The following FOXP1 variants were observed in gnomAD, a reference collection of about 807,000 sequenced individuals.
FOXP1 encodes the protein forkhead box P1.
In FOXP1, 15 loss-of-function variants were observed where a neutral mutation model predicts 98.2. That is an observed-to-expected ratio of 0.15 (90% CI 0.10 to 0.24). The LOEUF is 0.24. Among genes scored for constraint, FOXP1 ranks in the 10% least tolerant of loss-of-function variants. The pLI is 1.00. For synonymous variants in FOXP1, 371 were observed against 314.5 expected, an observed-to-expected ratio of 1.18 and a Z score of -1.90; for missense variants, 633 against 848.5, an observed-to-expected ratio of 0.75 and a Z score of 3.15.
intron 6 of FOXP1, among the ~76,000 whole-genome samples, chr3:71,137,798 A>T (rs200694832): frequency 1.5e-4 from 21 of 144,228 alleles, no homozygotes; most frequent in African/African-American, 4.8e-4. Flanking sequence ...ATTTATTATT[A>T]TTTTTTTTTT....
chr3:70,994,716 C>T (rs1422871263), intron 13 of FOXP1, among the ~76,000 whole-genome samples: 2 of 152,216 alleles, frequency 1.3e-5, no homozygotes, highest in Non-Finnish European at 2.9e-5. Context: ...ACAAGGTACA[C>T]ACACCTCCAC....
chr3:71,074,420 T>A (rs1256826975), intron 7 of FOXP1, among the ~76,000 whole-genome samples: 2 of 152,088 alleles, frequency 1.3e-5, no homozygotes, highest in African/African-American at 4.8e-5. Flanking sequence ...AGAGACAGGG[T>A]TTCATCCTAT....
At chr3:71,268,235 C>T (rs567482618) in intron 5 of FOXP1, among the ~76,000 whole-genome samples, 9 of 151,492 alleles carry the variant, frequency 5.9e-5, no homozygotes, top group Non-Finnish European at 8.8e-5. Flanking sequence ...GGACTATAGG[C>T]GCCCGCCACC....
chr3:71,053,680 GC>G lies in FOXP1; in HGVS notation c.375del (p.Gln125HisfsTer81). The G allele has an allele frequency of 6.2e-7, 1 of 1,614,094 alleles. No homozygotes were observed. Among genetic ancestry groups the G allele is most frequent in the Non-Finnish European group, 8.5e-7 (1 of 1,179,986 alleles). ...ILQQQVLSPQ[Q>X]LQVLLQQQQA... Reference sequence around the variant, plus strand: ...TGCTGCTGCTGGAGGAGAACCTGGAGCTGCTGAGGGCTCAGCACTTGTTGCT... The same window carrying G: ...TGCTGCTGCTGGAGGAGAACCTGGAGTGCTGAGGGCTCAGCACTTGTTGCT... On this transcript the variant is annotated frameshift_variant, in exon 8 of 21. Coordinates refer to ENST00000649528, the MANE Select transcript of FOXP1 (RefSeq NM_001349338.3). LOFTEE classifies it high-confidence loss of function.
intron 13 of FOXP1, among the ~76,000 whole-genome samples, chr3:70,993,664 G>T (rs142041077): frequency 1.2e-4 from 18 of 152,278 alleles, no homozygotes; most frequent in Non-Finnish European, 2.5e-4. Flanking sequence ...CTCATTAAAT[G>T]TAAGACATAT....
chr3:71,357,753 T>C (rs1015060362), intron 4 of FOXP1, among the ~76,000 whole-genome samples: 11 of 152,238 alleles, frequency 7.2e-5, no homozygotes, highest in Admixed American at 7.2e-4. Context: ...GCAGCCACCA[T>C]GTGACCTTGA....
chr3:71,359,534 C>T (rs535348236), intron 3 of FOXP1, among the ~76,000 whole-genome samples: 8 of 152,204 alleles, frequency 5.3e-5, no homozygotes, highest in South Asian at 2.1e-4. Context: ...CTTTATCTTC[C>T]GTACCATAAT....
chr3:71,070,640 T>C (rs1237688243), intron 7 of FOXP1, among the ~76,000 whole-genome samples: 1 of 152,162 alleles, frequency 6.6e-6, no homozygotes, highest in African/African-American at 2.4e-5. Context: ...CCCTCTCCCC[T>C]GCTACGGGAA....
At chr3:71,354,084 A>T (rs2077982116) in intron 4 of FOXP1, among the ~76,000 whole-genome samples, 1 of 151,670 alleles carries the variant, frequency 6.6e-6, no homozygotes, top group South Asian at 2.1e-4. Flanking sequence ...AGATGAGCGG[A>T]TCACAAGATC....
At chr3:71,066,689 G>T (rs1167516071) in intron 7 of FOXP1, among the ~76,000 whole-genome samples, 2 of 152,204 alleles carry the variant, frequency 1.3e-5, no homozygotes, top group African/African-American at 4.8e-5. Flanking sequence ...TTTTCCCAAA[G>T]TATTAAAATT....
At chr3:71,424,914 G>C (rs1028931489) in intron 3 of FOXP1, among the ~76,000 whole-genome samples, 1 of 152,174 alleles carries the variant, frequency 6.6e-6, no homozygotes, top group Non-Finnish European at 1.5e-5. Context: ...AAGAGGTAAG[G>C]AGTGATCAAG....
intron 5 of FOXP1, among the ~76,000 whole-genome samples, chr3:71,283,546 A>T (rs77939261): frequency 0.022 from 3,403 of 152,292 alleles, 98 homozygotes; most frequent in South Asian, 0.026. Context: ...TCCTGAAGGG[A>T]TCTGGATGAC....
intron 4 of FOXP1, among the ~76,000 whole-genome samples, chr3:71,345,409 C>T (rs771104798): frequency 0.016 from 2,160 of 136,410 alleles, 32 homozygotes; most frequent in African/African-American, 0.035. Context: ...CACACACACA[C>T]ACACACACAC....
intron 6 of FOXP1, among the ~76,000 whole-genome samples, chr3:71,180,495 G>A (rs1433193930): frequency 6.6e-6 from 1 of 151,974 alleles, no homozygotes; most frequent in African/African-American, 2.4e-5. Flanking sequence ...AAATAGACAT[G>A]CCAATAAAAA....
intron 11 of FOXP1, among the ~76,000 whole-genome samples, chr3:71,028,977 C>T (rs750474116): frequency 8.5e-5 from 13 of 152,148 alleles, no homozygotes; most frequent in South Asian, 8.3e-4. Flanking sequence ...GTAATGTGAG[C>T]GATGGGGAGC....
chr3:71,237,231 GAAAAAAAAAAAAAAAAAAAAAAAA>G (rs757405755), intron 5 of FOXP1, among the ~76,000 whole-genome samples: 2 of 28,270 alleles, frequency 7.1e-5, no homozygotes, highest in Admixed American at 7.0e-4. Flanking sequence ...GACTCCATCT[GAAAAAAAAAAAAAAAAAAAAAAAA>G]AAAAAAAAAA....
Position 71,041,405 on chromosome 3 carries a change from A to G in FOXP1, c.792T>C (p.Pro264=). Residue 264 remains proline, a synonymous_variant, in exon 11 of 21, where the codon CCT becomes CCC. Transcript: ENST00000649528. ...GGTTCATTATTAAGGAGGTCTTGGA[A>G]GGTGCAGAGGAGGAGACACATGTCG... is the stretch of plus-strand genomic sequence containing the variant. The part of the protein sequence containing the change: ...LTTTCVSSSA[P]SKTSLIMNPH... The G allele has an allele frequency of 6.2e-7, 1 of 1,613,858 alleles. No homozygotes were observed. Among genetic ancestry groups the G allele is most frequent in the Non-Finnish European group, 8.5e-7 (1 of 1,179,824 alleles).
intron 5 of FOXP1, among the ~76,000 whole-genome samples, chr3:71,281,020 T>A (rs2704806): frequency 7.3e-6 from 1 of 136,336 alleles, no homozygotes; most frequent in Non-Finnish European, 1.5e-5. Context: ...CTGGGCAACA[T>A]GGCAAAGCCC....
At chr3:71,308,013 T>A (rs142728846) in intron 4 of FOXP1, among the ~76,000 whole-genome samples, 1 of 152,170 alleles carries the variant, frequency 6.6e-6, no homozygotes, top group Admixed American at 6.5e-5. Flanking sequence ...CGGGAGCGAA[T>A]GGCACAGACA....
Sources: allele counts gnomAD v4.1 joint callset (sites outside exome capture counted in the v4.1 genomes callset), GRCh38; gene constraint gnomAD v4.1.1; transcripts MANE v1.5; gene names NCBI Gene and HGNC (gene_info 2026-07-23, HGNC 2026-07-21).